The following KCNA6 variants were observed in gnomAD, a reference collection of about 807,000 sequenced individuals.
The protein encoded by KCNA6 is human brain potassium channel-2.
A neutral mutation model predicts 29.5 loss-of-function variants in KCNA6; 17 were observed. The observed-to-expected ratio is 0.58, with a 90% confidence interval of 0.39 to 0.86. The LOEUF (loss-of-function observed/expected upper bound fraction) is 0.86, where lower values mean the gene tolerates loss of function less well. KCNA6 is among the 40% of genes least tolerant of loss of function. The pLI is 0.00. For synonymous variants in KCNA6, 296 were observed against 304.7 expected (o/e 0.97, Z 0.30); for missense variants, 450 against 703.4 (o/e 0.64, Z 4.07).
chr12:4,837,084 G>A, the KCNA6 span, among the ~76,000 whole-genome samples: 1 of 152,136 alleles, frequency 6.6e-6, no homozygotes, highest in African/African-American at 2.4e-5. Flanking sequence ...CCCCACAAGG[G>A]GTGAGGGGCT....
At chr12:4,826,036 C>T in the KCNA6 span, among the ~76,000 whole-genome samples, 15 of 152,340 alleles carry the variant, frequency 9.8e-5, no homozygotes, top group Middle Eastern at 3.4e-3. Flanking sequence ...GATGCAAATA[C>T]CAGCAGTGAG....
At chr12:4,809,564 C>G (rs185533823) in exon 1 of KCNA6, 5 of 153,804 alleles carry the variant, frequency 3.3e-5, no homozygotes, top group African/African-American at 1.2e-4. Context: ...GAGTCTTTGC[C>G]GAGCCGGAGG....
At chr12:4,835,125 C>T in the KCNA6 span, among the ~76,000 whole-genome samples, 1 of 144,572 alleles carries the variant, frequency 6.9e-6, no homozygotes, top group Non-Finnish European at 1.5e-5. Context: ...TTCTAAGAAA[C>T]AGAGAATGAT....
chr12:4,835,744 C>T, the KCNA6 span, among the ~76,000 whole-genome samples: 21 of 152,240 alleles, frequency 1.4e-4, no homozygotes, highest in Admixed American at 2.6e-4. Flanking sequence ...GACATCAACT[C>T]AGCTGTCTGA....
the KCNA6 span, among the ~76,000 whole-genome samples, chr12:4,826,862 T>G: frequency 6.6e-6 from 1 of 152,376 alleles, no homozygotes; most frequent in African/African-American, 2.4e-5. Flanking sequence ...TACTCCAGTC[T>G]ATTATTTTAC....
Position 4,810,908 on chromosome 12 carries a change from G to A in KCNA6, c.867G>A (p.Pro289=), listed in dbSNP as rs1946623582. ...GCTTCTCCGCCTGCCCTAGCAAGCC[G>A]GCCTTCTTCCGGAACATCATGAACA... is the stretch of plus-strand genomic sequence containing the variant. The change falls in exon 1 of 1, where the codon CCG becomes CCA. Residue 289 remains proline, a synonymous_variant. Transcript: ENST00000280684. This position sits in a 1 kb window ranked among gnomAD's most constrained non-coding sequence, Gnocchi z 7.5. 5 of 1,614,070 alleles carry A rather than the reference G, an allele frequency of 3.1e-6. No homozygotes were observed. Among genetic ancestry groups the A allele is most frequent in the African/African-American group, 1.3e-5 (1 of 74,934 alleles).
At chr12:4,846,704 C>G in the KCNA6 span, among the ~76,000 whole-genome samples, 2 of 151,838 alleles carry the variant, frequency 1.3e-5, no homozygotes, top group Admixed American at 1.3e-4. Flanking sequence ...TCTGGGGCCA[C>G]TCTGTCCCAC....
chr12:4,830,992 G>A, the KCNA6 span, among the ~76,000 whole-genome samples: 11 of 152,212 alleles, frequency 7.2e-5, no homozygotes, highest in African/African-American at 2.7e-4. Flanking sequence ...TTGGTTTTGT[G>A]AGTTGGTGTG....
chr12:4,827,274 TCCTCCTTC>T, the KCNA6 span, among the ~76,000 whole-genome samples: 1 of 146,998 alleles, frequency 6.8e-6, no homozygotes, highest in Admixed American at 6.8e-5. Flanking sequence ...CGCCCTTCCC[TCCTCCTTC>T]CCTCCTTCCT....
At chr12:4,823,263 G>C in the KCNA6 span, among the ~76,000 whole-genome samples, 2 of 152,042 alleles carry the variant, frequency 1.3e-5, no homozygotes, top group Non-Finnish European at 2.9e-5. Context: ...TTAAAAGAGA[G>C]CATGTAGTCA....
At chr12:4,829,126 TGTTA>T in the KCNA6 span, among the ~76,000 whole-genome samples, 6,807 of 152,292 alleles carry the variant, frequency 0.045, 307 homozygotes, top group East Asian at 0.22. Flanking sequence ...TAATTGATGC[TGTTA>T]GTTATAGATA....
chr12:4,848,357 A>G, the KCNA6 span, among the ~76,000 whole-genome samples: 1 of 152,094 alleles, frequency 6.6e-6, no homozygotes. Flanking sequence ...GCCCCCTCCC[A>G]AGTAAAATGC....
chr12:4,826,503 G>A, the KCNA6 span, among the ~76,000 whole-genome samples: 1 of 152,250 alleles, frequency 6.6e-6, no homozygotes, highest in Non-Finnish European at 1.5e-5. Context: ...AAAGTCAGAA[G>A]AAGTGGACTG....
chr12:4,811,447 C>T lies in KCNA6; in HGVS notation c.1406C>T (p.Thr469Met), dbSNP rs770437452. Residue 469 changes from threonine (T) to methionine (M), a missense_variant, in exon 1 of 1, where the codon ACG becomes ATG. Thr to Met is a moderately conservative substitution (Grantham distance 81). Transcript: ENST00000280684. This position sits in a 1 kb window ranked among gnomAD's most constrained non-coding sequence, Gnocchi z 7.1. The stretch of plus-strand genomic sequence containing the variant: ...TTCAACTACTTCTACCACCGGGAGA[C>T]GGAGCAGGAGGAGCAAGGCCAGTAT... The T allele has an allele frequency of 1.6e-5, 26 of 1,614,074 alleles. No homozygotes were observed. The highest frequency in any genetic ancestry group is 1.6e-4 in the Middle Eastern group (1 of 6,084).
chr12:4,835,196 G>A, the KCNA6 span, among the ~76,000 whole-genome samples: 1,484 of 145,082 alleles, frequency 0.01, 24 homozygotes, highest in African/African-American at 0.03. Context: ...GTGCAGTGGC[G>A]CGATCTCTGC....
chr12:4,840,089 T>G, the KCNA6 span, among the ~76,000 whole-genome samples: 3 of 151,526 alleles, frequency 2.0e-5, no homozygotes, highest in African/African-American at 7.3e-5. Flanking sequence ...AATGATAAAC[T>G]CTATATGAAA....
chr12:4,845,436 T>A, the KCNA6 span, among the ~76,000 whole-genome samples: 1 of 152,172 alleles, frequency 6.6e-6, no homozygotes, highest in Admixed American at 6.5e-5. Flanking sequence ...TGAACTTCTG[T>A]CCCTCTGCAG....
rs1055065860 is a variant in KCNA6 at position 4,810,573 on chromosome 12, A to G, written c.532A>G (p.Ile178Val). Reference sequence around the variant, plus strand: ...CTCTGGGCCGGCCAGGGGCATCGCCATCGTCTCCGTGTTGGTCATTCTCAT... The same window carrying G: ...CTCTGGGCCGGCCAGGGGCATCGCCGTCGTCTCCGTGTTGGTCATTCTCAT... Residue 178 changes from isoleucine (I) to valine (V), a missense_variant, in exon 1 of 1, where the codon ATC becomes GTC. Physicochemically the swap from Ile to Val is conservative, Grantham distance 29 (BLOSUM62 3). This residue lies in a region of KCNA6 where 133 missense variants were observed against 217.5 expected (regional missense o/e 0.61). Transcript: ENST00000280684. The surrounding 1 kb of genome is among the most constrained non-coding windows in gnomAD (Gnocchi z 7.5). 3 of 1,614,116 alleles carry G rather than the reference A, an allele frequency of 1.9e-6. No homozygotes were observed. Among genetic ancestry groups the G allele is most frequent in the Admixed American group, 1.7e-5 (1 of 60,028 alleles).
At chr12:4,843,753 G>C in the KCNA6 span, among the ~76,000 whole-genome samples, 1 of 152,126 alleles carries the variant, frequency 6.6e-6, no homozygotes, top group Non-Finnish European at 1.5e-5. Context: ...AGAGAGCGAG[G>C]TGGGCAGTGC....
Sources: gnomAD v4.1 joint callset for allele counts (sites outside exome capture counted in the v4.1 genomes callset) on GRCh38, gnomAD v4.1.1 for gene constraint, gnomAD v4.1.1 regional missense constraint, Gnocchi (gnomAD v3.1) non-coding constraint, MANE v1.5 for transcripts, NCBI Gene and HGNC (gene_info 2026-07-23, HGNC 2026-07-21) for gene names.